Variants in TUSC3 observed in about 807,000 individuals in gnomAD.
TUSC3 encodes the protein dolichyl-diphosphooligosaccharide--protein glycosyltransferase subunit TUSC3.
TUSC3 carries 45 observed loss-of-function variants against 44.8 expected under a neutral mutation model. The ratio of observed to expected loss-of-function variants is 1.00; its 90% CI spans 0.79 to 1.29. TUSC3 has a LOEUF of 1.29. Ranked by LOEUF, TUSC3 falls within the 50% of genes most tolerant of loss-of-function variation. TUSC3 has a pLI of 0.00. For missense variants in TUSC3, 519 were observed against 437.9 expected, an observed-to-expected ratio of 1.19 and a Z score of -1.65; for synonymous variants, 212 against 152.9, an observed-to-expected ratio of 1.39 and a Z score of -2.85.
At chr8:15,694,086 A>C (rs1339674917) in intron 6 of TUSC3, among the ~76,000 whole-genome samples, 1 of 151,986 alleles carries the variant, frequency 6.6e-6, no homozygotes, top group Non-Finnish European at 1.5e-5. Context: ...CTTTCTCTTG[A>C]ATCCTAGTGA....
At chr8:15,604,106 T>C (rs1804419584) in intron 1 of TUSC3, among the ~76,000 whole-genome samples, 1 of 151,734 alleles carries the variant, frequency 6.6e-6, no homozygotes, top group South Asian at 2.1e-4. Context: ...ATGCAGAGGT[T>C]TCTAAAACAA....
intron 1 of TUSC3, among the ~76,000 whole-genome samples, chr8:15,479,917 A>T (rs911759778): frequency 6.6e-6 from 1 of 152,178 alleles, no homozygotes; most frequent in African/African-American, 2.4e-5. Context: ...GTCTCAGCCT[A>T]AAAGCTTCTA....
intron 6 of TUSC3, among the ~76,000 whole-genome samples, chr8:15,685,951 G>T (rs1291196224): frequency 6.6e-6 from 1 of 151,054 alleles, no homozygotes; most frequent in African/African-American, 2.4e-5. Context: ...AAAACCTGAA[G>T]ATATTGACAA....
chr8:15,624,363 T>C (rs1195797754), intron 2 of TUSC3, among the ~76,000 whole-genome samples: 1 of 152,218 alleles, frequency 6.6e-6, no homozygotes, highest in East Asian at 1.9e-4. Context: ...TGTGTGGTAG[T>C]TTCTATTTAG....
the TUSC3 span, among the ~76,000 whole-genome samples, chr8:15,846,696 A>T: frequency 6.6e-6 from 1 of 152,066 alleles, no homozygotes; most frequent in Non-Finnish European, 1.5e-5. Flanking sequence ...AGGGAGGGGA[A>T]CATCACACAT....
chr8:15,531,365 C>T (rs1359072928), intron 2 of TUSC3, among the ~76,000 whole-genome samples: 1 of 152,178 alleles, frequency 6.6e-6, no homozygotes, highest in African/African-American at 2.4e-5. Flanking sequence ...GATTCTCCTG[C>T]CTCAGCCTCC....
At chr8:15,734,035 C>G (rs1372833382) in intron 7 of TUSC3, among the ~76,000 whole-genome samples, 2 of 151,860 alleles carry the variant, frequency 1.3e-5, no homozygotes, top group Non-Finnish European at 2.9e-5. Context: ...AGAGTGAGAC[C>G]CCGTCTCCAA....
chr8:15,613,233 C>CTT (rs35627633), intron 1 of TUSC3, among the ~76,000 whole-genome samples: 5,759 of 146,284 alleles, frequency 0.039, 299 homozygotes, highest in East Asian at 0.11. Context: ...TCTTACAGTG[C>CTT]TTTTTTTTTT....
the TUSC3 span, among the ~76,000 whole-genome samples, chr8:15,839,178 G>A: frequency 6.6e-6 from 1 of 152,020 alleles, no homozygotes; most frequent in African/African-American, 2.4e-5. Context: ...TTGGTGTATA[G>A]GAATGCTTGT....
chr8:15,825,885 C>CTTT, the TUSC3 span, among the ~76,000 whole-genome samples: 5 of 120,384 alleles, frequency 4.2e-5, 1 homozygote, highest in African/African-American at 5.7e-5. Flanking sequence ...ACAGTTGTTT[C>CTTT]TTTTTTTTTT....
chr8:15,482,049 T>A (rs772885003), intron 1 of TUSC3, among the ~76,000 whole-genome samples: 3 of 152,236 alleles, frequency 2.0e-5, no homozygotes, highest in Non-Finnish European at 1.5e-5. Flanking sequence ...AATCATTTGT[T>A]GTCATCTCAA....
At chr8:15,684,515 G>T (rs915019750) in intron 6 of TUSC3, among the ~76,000 whole-genome samples, 1 of 152,160 alleles carries the variant, frequency 6.6e-6, no homozygotes, top group Non-Finnish European at 1.5e-5. Context: ...TAAGCTTGTC[G>T]TAAGCCTTCT....
At chr8:15,735,941 G>C (rs999616242) in intron 7 of TUSC3, among the ~76,000 whole-genome samples, 1 of 151,304 alleles carries the variant, frequency 6.6e-6, no homozygotes. Flanking sequence ...TGTTAGCCAG[G>C]ATGGTCTCGA....
At chr8:15,573,230 A>G (rs1340671176) in intron 1 of TUSC3, among the ~76,000 whole-genome samples, 1 of 106,134 alleles carries the variant, frequency 9.4e-6, no homozygotes, top group Non-Finnish European at 1.9e-5. Context: ...ATATATATAT[A>G]AAAGTTTTTT....
At chr8:15,505,585 G>A (rs1171336295) in intron 2 of TUSC3, among the ~76,000 whole-genome samples, 1 of 152,080 alleles carries the variant, frequency 6.6e-6, no homozygotes, top group South Asian at 2.1e-4. Context: ...TCCCAAGCTT[G>A]TCTGTCCTAA....
chr8:15,508,796 T>G (rs185837686), intron 2 of TUSC3, among the ~76,000 whole-genome samples: 1 of 152,244 alleles, frequency 6.6e-6, no homozygotes, highest in African/African-American at 2.4e-5. Context: ...GGAAAAAAAG[T>G]AGGCATTAAT....
intron 1 of TUSC3, among the ~76,000 whole-genome samples, chr8:15,546,707 G>A (rs530609259): frequency 4.6e-5 from 7 of 151,394 alleles, no homozygotes; most frequent in Non-Finnish European, 8.9e-5. Flanking sequence ...GGCTAATTTC[G>A]TATTTTTAGT....
At chr8:15,423,969 GTTTT>G (rs112397215) in intron 1 of TUSC3, among the ~76,000 whole-genome samples, 1,862 of 70,368 alleles carry the variant, frequency 0.026, 249 homozygotes, top group African/African-American at 0.06. Flanking sequence ...GTTTTGCTTT[GTTTT>G]TTTTTTTTTT....
At chr8:15,624,787 A>G (rs1805416302) in intron 2 of TUSC3, among the ~76,000 whole-genome samples, 1 of 152,018 alleles carries the variant, frequency 6.6e-6, no homozygotes, top group Non-Finnish European at 1.5e-5. Flanking sequence ...GCAGGTTTTA[A>G]TTTTGATGAA....
Sources: gnomAD v4.1 joint callset for allele counts (sites outside exome capture counted in the v4.1 genomes callset) on GRCh38, gnomAD v4.1.1 for gene constraint, MANE v1.5 for transcripts, NCBI Gene and HGNC (gene_info 2026-07-23, HGNC 2026-07-21) for gene names.